Variants in CACNA1H observed in about 807,000 individuals in gnomAD.
CACNA1H encodes voltage-dependent T-type calcium channel subunit alpha-1H.
A neutral mutation model predicts 192.5 loss-of-function variants in CACNA1H; 149 were observed. The ratio of observed to expected loss-of-function variants is 0.77; its 90% CI spans 0.68 to 0.89. The LOEUF (loss-of-function observed/expected upper bound fraction) is 0.89. Among genes scored for constraint, CACNA1H ranks in the 40% least tolerant of loss-of-function variants. CACNA1H has a pLI of 0.00. For synonymous variants in CACNA1H, 2,202 were observed against 1,475.2 expected (o/e 1.49, Z -11.29); for missense variants, 4,257 against 3,423.5 (o/e 1.24, Z -6.08).
At chr16:1,204,649 T>C (rs1035950317) in intron 10 of CACNA1H, among the ~76,000 whole-genome samples, 191 bp downstream of exon 10, 17 of 152,182 alleles carry the variant, frequency 1.1e-4, no homozygotes, top group African/African-American at 3.4e-4. Flanking sequence ...TCTCCTTGGA[T>C]TCCTGGCCTC....
intron 2 of CACNA1H, among the ~76,000 whole-genome samples, chr16:1,188,852 C>T (rs927270549): frequency 4.6e-5 from 7 of 152,222 alleles, no homozygotes; most frequent in African/African-American, 1.7e-4. Context: ...ACATCCAGGA[C>T]AGGCCCAGGC....
At chr16:1,185,490 C>T (rs1444681999) in intron 2 of CACNA1H, among the ~76,000 whole-genome samples, 1 of 147,292 alleles carries the variant, frequency 6.8e-6, no homozygotes, top group Non-Finnish European at 1.5e-5. Context: ...TGGACGCTGC[C>T]ATCTGCAGAG....
rs994450412 is a variant in CACNA1H at position 1,209,509 on chromosome 16, T to C, written c.3744+97T>C. 5 of 1,451,052 alleles carry C rather than the reference T, an allele frequency of 3.4e-6. No homozygotes were observed. In the East Asian group the frequency reaches 7.0e-5, roughly 20 times the overall value. The allele number at this position is 1,451,052 out of a possible 1,614,324, so 89.9% of individuals were successfully genotyped here. On this transcript the variant is annotated intron_variant, in intron 17 of 34. Coordinates refer to ENST00000348261, the MANE Select transcript of CACNA1H (RefSeq NM_021098.3). ...TTGAGATGGGATTCAGGGCGTGTTG[T>C]TGACTGAGGGGATTCAGAAGGGGAG...
At position 1,180,649 on chromosome 16, in the gene CACNA1H, C is replaced by T. The variant is rs1482378920; in HGVS notation, c.300-14323C>T. Among the ~76,000 whole-genome samples, 22 of 126,960 alleles carry T rather than the reference C, an allele frequency of 1.7e-4. No homozygotes were observed. Among genetic ancestry groups the T allele is most frequent in the African/African-American group, 4.1e-4 (14 of 34,466 alleles). The allele number at this position is 126,960 out of a possible 152,430, so 83.3% of individuals were successfully genotyped here. A position where few individuals can be genotyped will look rare whatever the true frequency, so the allele number is the denominator to read the frequency against. On this transcript the variant is annotated intron_variant, in intron 2 of 34. Coordinates refer to ENST00000348261, the MANE Select transcript of CACNA1H (RefSeq NM_021098.3). The surrounding 1 kb of genome is among the most constrained non-coding windows in gnomAD (Gnocchi z 4.4). ...GTGGCCCACCTGGCCTTGGCTTTCC[C>T]GGGGCAGGTAGGGAGGGGCCTGGGC...
chr16:1,179,949 C>T (rs1233897785), intron 2 of CACNA1H, among the ~76,000 whole-genome samples: 1 of 152,030 alleles, frequency 6.6e-6, no homozygotes, highest in Non-Finnish European at 1.5e-5. Flanking sequence ...CTTGGCCAGG[C>T]TGGTGTTGAA....
intron 2 of CACNA1H, among the ~76,000 whole-genome samples, chr16:1,173,867 C>T (rs752904589): frequency 3.2e-4 from 48 of 152,166 alleles, no homozygotes; most frequent in Admixed American, 1.2e-3. Context: ...CACAGTGGGA[C>T]CTCACGTCAC....
chr16:1,156,640 C>T (rs1962440390), intron 2 of CACNA1H, among the ~76,000 whole-genome samples: 1 of 152,142 alleles, frequency 6.6e-6, no homozygotes, highest in East Asian at 1.9e-4. Flanking sequence ...CGCATCCCTC[C>T]TGAAGAGGGT....
Position 1,167,581 on chromosome 16 carries a change from G to C in CACNA1H, c.299+13545G>C, listed in dbSNP as rs1048146212. Among the ~76,000 whole-genome samples the C allele has an allele frequency of 6.6e-6, 1 of 152,186 alleles. No homozygotes were observed. The highest frequency in any genetic ancestry group is 1.5e-5 in the Non-Finnish European group (1 of 68,044). On this transcript the variant is annotated intron_variant, in intron 2 of 34. Transcript: ENST00000348261. This position sits in a 1 kb window ranked among gnomAD's most constrained non-coding sequence, Gnocchi z 4.2. Reference sequence around the variant, plus strand: ...AGGCTGGAGCCACACTCCTCACCGCGGCGGTGCCACTAATGGGGTTGCCGT... The same window carrying C: ...AGGCTGGAGCCACACTCCTCACCGCCGCGGTGCCACTAATGGGGTTGCCGT...
chr16:1,202,324 A>C lies in CACNA1H; in HGVS notation c.1874A>C (p.Lys625Thr). Residue 625 changes from lysine to threonine, a missense_variant, in exon 9 of 35, where the codon AAA becomes ACA. Lys to Thr is a moderately conservative substitution (Grantham distance 78). Transcript: ENST00000348261. ...CTGCCCTCAGGGGTGGGCAGCGGCA[A>C]AGGCAGCACCAGCCCCGGACCCAAG... ...TILPSGVGSGKGSTSPGPKGK... is the reference protein window; with the variant it reads ...TILPSGVGSGTGSTSPGPKGK... 1 of 1,581,664 alleles carries C rather than the reference A, an allele frequency of 6.3e-7. No individual in the cohort carries two copies. The highest frequency in any genetic ancestry group is 1.2e-5 in the South Asian group (1 of 86,204).
chr16:1,191,245 C>CGG (rs1407887174), intron 2 of CACNA1H, among the ~76,000 whole-genome samples: 13 of 96,336 alleles, frequency 1.3e-4, no homozygotes, highest in Non-Finnish European at 1.8e-4. Context: ...CTCGGGGTCT[C>CGG]TGACCCAGCA....
In CACNA1H at chr16:1,215,388, G is replaced by C. The variant is rs542071111; in HGVS notation, c.5173+13G>C. The C allele has an allele frequency of 3.4e-5, 55 of 1,605,418 alleles. No individual in the cohort carries two copies. The highest frequency in any genetic ancestry group is 1.7e-4 in the Middle Eastern group (1 of 6,038). On this transcript the variant is annotated intron_variant, in intron 29 of 34. Transcript: ENST00000348261. ...CGCATTGCCCGTGGTAGGTGCCCGC[G>C]TGCCCGCCAGGTTCTCTCTGCGGGT...
chr16:1,185,059 C>T (rs552030988), intron 2 of CACNA1H, among the ~76,000 whole-genome samples: 198 of 152,332 alleles, frequency 1.3e-3, no homozygotes, highest in Non-Finnish European at 2.1e-3. Context: ...CCCTGGTGGT[C>T]TCTACCCCGC....
Position 1,219,065 on chromosome 16 carries a change from C to G in CACNA1H, c.5983C>G (p.Leu1995Val). 3.9e-6 allele frequency: 6 copies of G among 1,549,916 alleles called. No individual in the cohort carries two copies. Among genetic ancestry groups the G allele is most frequent in the East Asian group, 4.9e-5 (2 of 40,926 alleles). Residue 1995 changes from leucine (L) to valine (V), a missense_variant, in exon 34 of 35, where the codon CTC becomes GTC. Leu to Val is a conservative substitution (Grantham distance 32). Coordinates refer to ENST00000348261, the MANE Select transcript of CACNA1H (RefSeq NM_021098.3). ...GTCCCCAGCCAGGAGCGGCGAGCCC[C>G]TCCACGCCCTGTCCCCTCGGGGCAC... The part of the protein sequence containing the change: ...VSSPARSGEP[L>V]HALSPRGTAR...
intron 15 of CACNA1H, 22 bp from the exon 16 acceptor site, chr16:1,207,991 C>T: frequency 2.5e-6 from 4 of 1,583,796 alleles, no homozygotes; most frequent in South Asian, 2.3e-5. Context: ...TCTAGGGGCC[C>T]ATTCCTCCCT....
Position 1,210,422 on chromosome 16 carries a change from GTCC to G in CACNA1H, c.3901_3903del (p.Leu1301del). 6.2e-7 allele frequency: 1 copy of G among 1,609,886 alleles called. No individual in the cohort carries two copies. The highest frequency in any genetic ancestry group is 8.5e-7 in the Non-Finnish European group (1 of 1,179,242). On this transcript the variant is annotated inframe_deletion, in exon 19 of 35. Transcript: ENST00000348261. ...CACACACAAGATGTTTGATCACGTG[GTCC>G]TCGTCTTCATCTTCCTCAACTGCGT...
chr16:1,207,490 A>G (rs1968877639), intron 14 of CACNA1H, 60 bp downstream of exon 14: 4 of 1,536,696 alleles, frequency 2.6e-6, no homozygotes, highest in East Asian at 2.3e-5. Context: ...GACGGGCTTC[A>G]GGTCGAGGGG....
chr16:1,213,942 G>C lies in CACNA1H; in HGVS notation c.4929+11G>C. ...TATAACCAACCCAAGGTGGGTGCGA[G>C]GGGGCCGCGAGGGGCCCAGGGGCTG... On this transcript the variant is annotated intron_variant, in intron 27 of 34. Transcript: ENST00000348261. 1 of 1,606,480 alleles carries C rather than the reference G, an allele frequency of 6.2e-7. No homozygotes were observed. The highest frequency in any genetic ancestry group is 8.5e-7 in the Non-Finnish European group (1 of 1,177,386).
intron 2 of CACNA1H, 93 bp from the exon 3 acceptor site, chr16:1,194,879 G>A (rs1305795565): frequency 3.4e-5 from 31 of 923,914 alleles, no homozygotes; most frequent in Non-Finnish European, 4.9e-5. Flanking sequence ...GCACACCCGT[G>A]GCGGGGCTCC....
At chr16:1,202,900 C>T (rs1400219947) in intron 9 of CACNA1H, among the ~76,000 whole-genome samples, 1 of 152,006 alleles carries the variant, frequency 6.6e-6, no homozygotes, top group Non-Finnish European at 1.5e-5. Flanking sequence ...GGCACCGTCG[C>T]AGAGTCACCG....
Sources: gnomAD v4.1 joint callset for allele counts (sites outside exome capture counted in the v4.1 genomes callset) on GRCh38, gnomAD v4.1.1 for gene constraint, Gnocchi (gnomAD v3.1) non-coding constraint, MANE v1.5 for transcripts, NCBI Gene and HGNC (gene_info 2026-07-23, HGNC 2026-07-21) for gene names.